Variants in CSTF3 observed in about 807,000 individuals in gnomAD.
The protein encoded by CSTF3 is cleavage stimulation factor subunit 3, also known as CF-1 77 kDa subunit.
A neutral mutation model predicts 105.8 loss-of-function variants in CSTF3; 29 were observed. The observed-to-expected ratio is 0.27, with a 90% CI of 0.20 to 0.37. The LOEUF (loss-of-function observed/expected upper bound fraction) is 0.37. Among genes scored for constraint, CSTF3 ranks in the 10% least tolerant of loss-of-function variants. The pLI is 1.00. For missense variants in CSTF3, 357 were observed against 879.3 expected (o/e 0.41, Z 7.51); for synonymous variants, 252 against 281.9 (o/e 0.89, Z 1.06).
At chr11:33,116,219 C>T (rs1590271928) in intron 3 of CSTF3, among the ~76,000 whole-genome samples, 1 of 152,150 alleles carries the variant, frequency 6.6e-6, no homozygotes, top group South Asian at 2.1e-4. Context: ...TTCCACTTTC[C>T]CAAGCCAACT....
intron 1 of CSTF3, chr11:33,144,916 C>T: frequency 8.6e-6 from 2 of 232,700 alleles, no homozygotes; most frequent in Non-Finnish European, 1.8e-5. Flanking sequence ...GGAGAAGTTG[C>T]AGGGAACTGA....
chr11:33,136,575 C>T (rs1227938642), intron 3 of CSTF3, among the ~76,000 whole-genome samples: 3 of 151,950 alleles, frequency 2.0e-5, no homozygotes, highest in African/African-American at 7.2e-5. Flanking sequence ...AAGCTTTTGA[C>T]TTAAACTGGT....
chr11:33,100,699 G>C (rs1855272972), intron 10 of CSTF3, among the ~76,000 whole-genome samples: 1 of 152,120 alleles, frequency 6.6e-6, no homozygotes, highest in African/African-American at 2.4e-5. Context: ...CATAGTTTAG[G>C]GACTCAAGAA....
intron 3 of CSTF3, among the ~76,000 whole-genome samples, chr11:33,136,788 T>C (rs1419798107): frequency 6.6e-6 from 1 of 151,922 alleles, no homozygotes; most frequent in Admixed American, 6.6e-5. Context: ...GTATCTTTAA[T>C]ACCTTTTGGG....
chr11:33,112,778 T>C (rs954678302), intron 3 of CSTF3, among the ~76,000 whole-genome samples: 1 of 152,230 alleles, frequency 6.6e-6, no homozygotes, highest in African/African-American at 2.4e-5. Context: ...CAAAGCCTGG[T>C]TTAAATTCTA....
chr11:33,114,528 CATT>C (rs1364116802), intron 3 of CSTF3, among the ~76,000 whole-genome samples: 3 of 152,076 alleles, frequency 2.0e-5, no homozygotes, highest in Non-Finnish European at 1.5e-5. Flanking sequence ...TTATAAGAAT[CATT>C]ATACAATTAA....
At chr11:33,131,689 A>G (rs1855601182) in intron 3 of CSTF3, among the ~76,000 whole-genome samples, 1 of 137,684 alleles carries the variant, frequency 7.3e-6, no homozygotes, top group South Asian at 2.4e-4. Context: ...TACTAAAAAT[A>G]CAAAAAAAAA....
In CSTF3 at chr11:33,098,822, A is replaced by C. The variant is rs938542375; in HGVS notation, c.1054-58T>G. The C allele has an allele frequency of 2.3e-6, 3 of 1,319,422 alleles. No homozygotes were observed. The African/African-American group carries it at 4.6e-5, about 20-fold the overall frequency. The allele number at this position is 1,319,422 out of a possible 1,614,324, so 81.7% of individuals were successfully genotyped here. ...TATGGTCATAAATAAGCAGGATTTG[A>C]GCTCCAAGGAATCCAAAGGCTATAA... is the stretch of plus-strand genomic sequence containing the variant. On this transcript the variant is annotated intron_variant, in intron 12 of 20. Transcript: ENST00000323959.
chr11:33,143,994 A>C (rs1855747442), intron 1 of CSTF3, among the ~76,000 whole-genome samples: 1 of 152,190 alleles, frequency 6.6e-6, no homozygotes, highest in African/African-American at 2.4e-5. Context: ...TCAAAAAAAA[A>C]AGTTAATTTA....
At chr11:33,106,624 GAAC>G (rs1249086290) in intron 5 of CSTF3, among the ~76,000 whole-genome samples, 1 of 152,030 alleles carries the variant, frequency 6.6e-6, no homozygotes, top group Non-Finnish European at 1.5e-5. Flanking sequence ...CACAGGATCA[GAAC>G]AACACTTGAA....
At chr11:33,153,501 A>G (rs1466774754) in intron 1 of CSTF3, among the ~76,000 whole-genome samples, 1 of 151,940 alleles carries the variant, frequency 6.6e-6, no homozygotes, top group African/African-American at 2.4e-5. Flanking sequence ...GGCTGGGCAC[A>G]GTGGGTCACA....
intron 20 of CSTF3, 105 bp from the exon 21 acceptor site, chr11:33,085,394 A>G: frequency 1.1e-6 from 1 of 917,930 alleles, no homozygotes; most frequent in East Asian, 2.6e-5. Context: ...TTAGCAAAAC[A>G]TGGGATAGTA....
At chr11:33,144,048 T>C (rs2133800950) in intron 1 of CSTF3, among the ~76,000 whole-genome samples, 1 of 152,268 alleles carries the variant, frequency 6.6e-6, no homozygotes. Context: ...TCCTGACATC[T>C]ATAAATGGCA....
intron 3 of CSTF3, among the ~76,000 whole-genome samples, chr11:33,137,647 T>G (rs183389518): frequency 6.6e-6 from 1 of 151,826 alleles, no homozygotes; most frequent in Non-Finnish European, 1.5e-5. Flanking sequence ...TATATATGCA[T>G]CTAAGAAACT....
intron 3 of CSTF3, among the ~76,000 whole-genome samples, chr11:33,112,633 G>A (rs1281575072): frequency 1.3e-5 from 2 of 152,172 alleles, no homozygotes; most frequent in Non-Finnish European, 2.9e-5. Context: ...CATTATTGGT[G>A]AGACTAGCAC....
intron 1 of CSTF3, chr11:33,156,750 TA>T (rs1353462801): frequency 2.2e-6 from 1 of 454,012 alleles, no homozygotes; most frequent in South Asian, 1.6e-5. Flanking sequence ...GAGGATCACT[TA>T]AGTCCAGGAG....
chr11:33,121,982 C>T (rs1350953940), intron 3 of CSTF3, among the ~76,000 whole-genome samples: 6 of 152,116 alleles, frequency 3.9e-5, no homozygotes, highest in African/African-American at 7.2e-5. Context: ...TCCTGGCAGC[C>T]CTTTCCCAAT....
rs1158987892 is a variant in CSTF3, at chr11:33,129,408, T to TA, written c.225+12258dup. ...AGCCCGGCCTACTTTTTTTTTTTTT[T>TA]ACCTATATCCACATAAAAACCTATA... On this transcript the variant is annotated intron_variant, in intron 3 of 20. Transcript: ENST00000323959. 1.1e-4 allele frequency among the ~76,000 whole-genome samples: 16 copies of TA among 151,968 alleles called. No homozygotes were observed. The South Asian group carries it at 2.5e-3, about 24-fold the overall frequency.
chr11:33,090,471 T>G, intron 17 of CSTF3, 61 bp downstream of exon 17: 1 of 1,010,052 alleles, frequency 9.9e-7, no homozygotes, highest in Non-Finnish European at 1.3e-6. Context: ...AGGTTATCAA[T>G]GAACTCTTCT....
Sources: allele counts gnomAD v4.1 joint callset (sites outside exome capture counted in the v4.1 genomes callset), GRCh38; gene constraint gnomAD v4.1.1; transcripts MANE v1.5; gene names NCBI Gene and HGNC (gene_info 2026-07-23, HGNC 2026-07-21).